The following TNXB variants were observed in gnomAD, a reference collection of about 807,000 sequenced individuals.
The protein encoded by TNXB is tenascin XB.
A neutral mutation model predicts 340.5 loss-of-function variants in TNXB; 183 were observed. The ratio of observed to expected loss-of-function variants is 0.54; its 90% CI spans 0.48 to 0.61. The LOEUF (loss-of-function observed/expected upper bound fraction) is 0.61. Ranked by LOEUF, TNXB falls within the 20% of genes least tolerant of loss-of-function variation. TNXB has a pLI of 0.00. For synonymous variants in TNXB, 2,121 were observed against 2,314.5 expected (o/e 0.92, Z 2.40); for missense variants, 4,613 against 5,446.4 (o/e 0.85, Z 4.82).
Position 32,098,212 on chromosome 6 carries a change from G to A in TNXB, c.-8-6C>T. On this transcript the variant is annotated splice_polypyrimidine_tract_variant and splice_region_variant and intron_variant, in intron 1 of 43. Coordinates refer to ENST00000644971, the MANE Select transcript of TNXB (RefSeq NM_001365276.2). ...GGCTGGCATCATTCAGGAGGCTGCA[G>A]GGAGAAAGGGTAGGTATGAGAGCAG... 2.0e-6 allele frequency: 3 copies of A among 1,489,092 alleles called. No homozygotes were observed. The highest frequency in any genetic ancestry group is 2.7e-6 in the Non-Finnish European group (3 of 1,116,608). 92.2% of individuals were successfully genotyped at this position (1,489,092 alleles called of 1,614,324 possible).
intron 1 of TNXB, among the ~76,000 whole-genome samples, chr6:32,104,754 G>A (rs1258957624): frequency 1.3e-5 from 2 of 151,996 alleles, no homozygotes; most frequent in African/African-American, 4.8e-5. Flanking sequence ...TCCCACCTCA[G>A]CCTCCTGAGT....
chr6:32,055,705 G>T, intron 24 of TNXB, 146 bp downstream of exon 24: 1 of 1,241,838 alleles, frequency 8.1e-7, no homozygotes, highest in Non-Finnish European at 1.1e-6. Flanking sequence ...GCCCAAACCT[G>T]TTGAACCCCA....
At position 32,087,901 on chromosome 6, in the gene TNXB, CG is replaced by C. The variant is rs779406751; in HGVS notation, c.2779+883del. 1 of 159,620 alleles carries C rather than the reference CG, an allele frequency of 6.3e-6. No individual in the cohort carries two copies. The highest frequency in any genetic ancestry group is 1.3e-5 in the Non-Finnish European group (1 of 79,350). 9.9% of individuals were successfully genotyped at this position (159,620 alleles called of 1,614,324 possible). A position where few individuals can be genotyped will look rare whatever the true frequency, so the allele number is the denominator to read the frequency against. ...TGCTGGCCTCGAGGGCCAAGGGGGC[CG>C]TGGGGGCCGCGGGGCTGGGGCTGGC... On this transcript the variant is annotated intron_variant, in intron 6 of 43. Transcript: ENST00000644971. The surrounding 1 kb of genome is among the most constrained non-coding windows in gnomAD (Gnocchi z 9.0).
chr6:32,088,740 A>C (rs2127272192), intron 6 of TNXB, 45 bp downstream of exon 6: 1 of 1,537,986 alleles, frequency 6.5e-7, no homozygotes, highest in Non-Finnish European at 8.8e-7. Flanking sequence ...GGAGGATCCA[A>C]GGCTGGGAAA....
At position 32,056,848 on chromosome 6, in the gene TNXB, G is replaced by A; in HGVS notation, c.7881C>T (p.Ile2627=). 1.2e-6 allele frequency: 2 copies of A among 1,612,926 alleles called. No homozygotes were observed. Among genetic ancestry groups the A allele is most frequent in the South Asian group, 2.2e-5 (2 of 91,082 alleles). Residue 2627 remains isoleucine (I), a synonymous_variant, in exon 23 of 44, where the codon ATC becomes ATT. Coordinates refer to ENST00000644971, the MANE Select transcript of TNXB (RefSeq NM_001365276.2). ...AVPTMTPEPP[I]KPRLGELTMT... ...TGGTCAGCTCCCCCAGGCGAGGCTT[G>A]ATGGGGGGCTCAGGGGTCATGGTAG... is the stretch of plus-strand genomic sequence containing the variant.
In TNXB at chr6:32,086,009, C is replaced by G; in HGVS notation, c.2889G>C (p.Leu963=). 1 of 1,606,580 alleles carries G rather than the reference C, an allele frequency of 6.2e-7. No individual in the cohort carries two copies. The highest frequency in any genetic ancestry group is 8.5e-7 in the Non-Finnish European group (1 of 1,178,328). ...APLLQQRPQE[L]GELRVLGRDE... is the part of the protein sequence containing the mutation. ...CTCTGCCCAGCACCCTCAACTCTCC[C>G]AGCTCCTGGGGGCGCTGCTGCAGGA... Residue 963 remains leucine, a synonymous_variant, in exon 7 of 44, where the codon CTG becomes CTC. Coordinates refer to ENST00000644971, the MANE Select transcript of TNXB (RefSeq NM_001365276.2).
rs1024919515 is a variant in TNXB at position 32,097,910 on chromosome 6, C to T, written c.289G>A (p.Ala97Thr). ...ACCCTCAGGGCCTGTACCTCTGAAG[C>T]AAGGACTGGGGGCTCGGTGCCTGGG... ...CPPGTEPPVL[A>T]SEVQALRVRL... Residue 97 changes from alanine to threonine, a missense_variant, in exon 2 of 44, where the codon GCT (alanine) becomes ACT (threonine). By Grantham distance (58) the Ala-to-Thr change is moderately conservative (BLOSUM62 0). Coordinates refer to ENST00000644971, the MANE Select transcript of TNXB (RefSeq NM_001365276.2). The surrounding 1 kb of genome is among the most constrained non-coding windows in gnomAD (Gnocchi z 5.9). 4.4e-6 allele frequency: 7 copies of T among 1,587,462 alleles called. No homozygotes were observed. In the African/African-American group the frequency reaches 9.4e-5, roughly 21 times the overall value.
rs1779589375 is a variant in TNXB at position 32,083,412 on chromosome 6, C to G, written c.3445+1001G>C. 1.3e-5 allele frequency among the ~76,000 whole-genome samples: 2 copies of G among 152,302 alleles called. No homozygotes were observed. Among genetic ancestry groups the G allele is most frequent in the South Asian group, 4.1e-4 (2 of 4,828 alleles). ...GTGCTTTATGGGGTGTGATGATCCA[C>G]TTAGAGAACATCTTGATCACAACTG... On this transcript the variant is annotated intron_variant, in intron 8 of 43. Coordinates refer to ENST00000644971, the MANE Select transcript of TNXB (RefSeq NM_001365276.2). This position sits in a 1 kb window ranked among gnomAD's most constrained non-coding sequence, Gnocchi z 4.6.
rs769795282 is a variant in TNXB, at chr6:32,082,017, T to C, written c.3736+19A>G. The C allele has an allele frequency of 6.3e-7, 1 of 1,591,410 alleles. No individual in the cohort carries two copies. The highest frequency in any genetic ancestry group is 8.6e-7 in the Non-Finnish European group (1 of 1,168,856). ...GGCTGAGAAGGGGTCACATGGGGGC[T>C]GAGGTGGCTGCTACTCACCAGTGGT... is the stretch of plus-strand genomic sequence containing the variant. On this transcript the variant is annotated intron_variant, in intron 9 of 43. Coordinates refer to ENST00000644971, the MANE Select transcript of TNXB (RefSeq NM_001365276.2). The surrounding 1 kb of genome is among the most constrained non-coding windows in gnomAD (Gnocchi z 5.0).
In TNXB at chr6:32,046,226, C is replaced by T. The variant is rs1186193202; in HGVS notation, c.10555G>A (p.Gly3519Arg). ...PGKKYKFLLY[G>R]LLGGKRLGPV... is the part of the protein sequence containing the mutation. ...CCCAGGCGCTTTCCCCCAAGGAGCCCGTAGAGCAGAAACTTGTATTTCTTG... is the reference window on the plus strand; with the variant it reads ...CCCAGGCGCTTTCCCCCAAGGAGCCTGTAGAGCAGAAACTTGTATTTCTTG... The change falls in exon 31 of 44, where the codon GGG becomes AGG. Residue 3519 changes from glycine (G) to arginine (R), a missense_variant. By Grantham distance (125) the Gly-to-Arg change is moderately radical (BLOSUM62 -2). Coordinates refer to ENST00000644971, the MANE Select transcript of TNXB (RefSeq NM_001365276.2). This position sits in a 1 kb window ranked among gnomAD's most constrained non-coding sequence, Gnocchi z 6.9. 1.0e-5 allele frequency: 16 copies of T among 1,602,338 alleles called. No homozygotes were observed. Among genetic ancestry groups the T allele is most frequent in the Non-Finnish European group, 1.2e-5 (14 of 1,175,340 alleles).
chr6:32,083,514 C>G lies in TNXB; in HGVS notation c.3445+899G>C, dbSNP rs1023877328. Among the ~76,000 whole-genome samples, 1 of 152,182 alleles carries G rather than the reference C, an allele frequency of 6.6e-6. No homozygotes were observed. Among genetic ancestry groups the G allele is most frequent in the Non-Finnish European group, 1.5e-5 (1 of 68,024 alleles). On this transcript the variant is annotated intron_variant, in intron 8 of 43. Transcript: ENST00000644971. This position sits in a 1 kb window ranked among gnomAD's most constrained non-coding sequence, Gnocchi z 4.6. The stretch of plus-strand genomic sequence containing the variant: ...ATCTAAGTTTATCTAAGGCGTTGTT[C>G]CCCACCTCTGCTGCTCCCTGCCTCA...
chr6:32,072,712 G>A lies in TNXB; in HGVS notation c.4682-414C>T, dbSNP rs1778848654. On this transcript the variant is annotated intron_variant, in intron 12 of 43. Transcript: ENST00000644971. The surrounding 1 kb of genome is among the most constrained non-coding windows in gnomAD (Gnocchi z 4.4). ...GGGCCGGGTGCAGTGGCTCATGCCAGGCCGAGGCGGGTGGATCACCTGAGG... is the reference window on the plus strand; with the variant it reads ...GGGCCGGGTGCAGTGGCTCATGCCAAGCCGAGGCGGGTGGATCACCTGAGG... Among the ~76,000 whole-genome samples, 6 of 152,372 alleles carry A rather than the reference G, an allele frequency of 3.9e-5. No individual in the cohort carries two copies. The highest frequency in any genetic ancestry group is 2.0e-4 in the Admixed American group (3 of 15,308).
rs1554321218 is a variant in TNXB at position 32,067,132 on chromosome 6, G to GAAAGAAAGAAAGA, written c.6544+528_6544+529insTCTTTCTTTCTTT. Among the ~76,000 whole-genome samples the GAAAGAAAGAAAGA allele has an allele frequency of 1.6e-4, 19 of 118,080 alleles. 2 individuals carry two copies. Among genetic ancestry groups the GAAAGAAAGAAAGA allele is most frequent in the Admixed American group, 1.6e-3 (17 of 10,856 alleles). The allele number at this position is 118,080 out of a possible 152,430, so 77.5% of individuals were successfully genotyped here. A position where few individuals can be genotyped will look rare whatever the true frequency, so the allele number is the denominator to read the frequency against. Reference sequence around the variant, plus strand: ...AAGAAAGAGAAAGAAAGAAAGGAAGGAAGAAAGAAAGAAAGAAAGAAAGAA... The same window carrying GAAAGAAAGAAAGA: ...AAGAAAGAGAAAGAAAGAAAGGAAGGAAAGAAAGAAAGAAAGAAAGAAAGAAAGAAAGAAAGAA... On this transcript the variant is annotated intron_variant, in intron 18 of 43. Transcript: ENST00000644971. This position sits in a 1 kb window ranked among gnomAD's most constrained non-coding sequence, Gnocchi z 4.2.
In TNXB at chr6:32,052,640, C is replaced by T. The variant is rs756395711; in HGVS notation, c.9115+30G>A. On this transcript the variant is annotated intron_variant, in intron 26 of 43. Transcript: ENST00000644971. This position sits in a 1 kb window ranked among gnomAD's most constrained non-coding sequence, Gnocchi z 4.7. Reference sequence around the variant, plus strand: ...CAGCAGTGTCTTCCAGGGCCATCTTCCCCACCTCGCCTCACTCACACTTAC... The same window carrying T: ...CAGCAGTGTCTTCCAGGGCCATCTTTCCCACCTCGCCTCACTCACACTTAC... The T allele has an allele frequency of 5.6e-6, 9 of 1,602,700 alleles. No individual in the cohort carries two copies. Among genetic ancestry groups the T allele is most frequent in the Admixed American group, 3.3e-5 (2 of 59,742 alleles).
At position 32,053,493 on chromosome 6, in the gene TNXB, C is replaced by A. The variant is rs572058433; in HGVS notation, c.8686G>T (p.Gly2896Trp). The change falls in exon 25 of 44, where the codon GGG (glycine) becomes TGG (tryptophan). Residue 2896 changes from glycine to tryptophan, a missense_variant. Gly to Trp is a radical substitution (Grantham distance 184). Coordinates refer to ENST00000644971, the MANE Select transcript of TNXB (RefSeq NM_001365276.2). ...KVVRVPGHED[G>W]VTISGLEPDH... Reference sequence around the variant, plus strand: ...GGCTCCAGGCCTGAGATGGTGACCCCGTCCTCGTGCCCCGGCACCCGCACC... The same window carrying A: ...GGCTCCAGGCCTGAGATGGTGACCCAGTCCTCGTGCCCCGGCACCCGCACC... 5 of 1,613,328 alleles carry A rather than the reference C, an allele frequency of 3.1e-6. No individual in the cohort carries two copies. The highest frequency in any genetic ancestry group is 4.2e-6 in the Non-Finnish European group (5 of 1,179,894).
chr6:32,046,190 C>A lies in TNXB; in HGVS notation c.10591G>T (p.Ala3531Ser). 2.5e-6 allele frequency: 4 copies of A among 1,585,182 alleles called. No individual in the cohort carries two copies. The highest frequency in any genetic ancestry group is 3.4e-6 in the Non-Finnish European group (4 of 1,161,056). Residue 3531 changes from alanine (A) to serine (S), a missense_variant, in exon 31 of 44, where the codon GCC becomes TCC. By Grantham distance (99) the Ala-to-Ser change is moderately conservative (BLOSUM62 1). Transcript: ENST00000644971. The surrounding 1 kb of genome is among the most constrained non-coding windows in gnomAD (Gnocchi z 6.9). ...GCAGCCTCACCTGTCATTCCCAGGG[C>A]AGAGACCGGGCCCAGGCGCTTTCCC... is the stretch of plus-strand genomic sequence containing the variant. ...LGGKRLGPVS[A>S]LGMTAPEEDT...
At position 32,070,176 on chromosome 6, in the gene TNXB, G is replaced by C; in HGVS notation, c.5229C>G (p.Gly1743=). Residue 1743 remains glycine (G), a synonymous_variant, in exon 14 of 44, where the codon GGC becomes GGG. Transcript: ENST00000644971. The surrounding 1 kb of genome is among the most constrained non-coding windows in gnomAD (Gnocchi z 6.0). ...AGRKYRFLLY[G]LLGKKRHGPL... is the part of the protein sequence containing the mutation. ...GGCCATGGCGCTTCTTGCCCAGGAG[G>C]CCATAGAGGAGGAATCTGTACTTGC... The C allele has an allele frequency of 6.2e-7, 1 of 1,606,186 alleles. No individual in the cohort carries two copies. Among genetic ancestry groups the C allele is most frequent in the Non-Finnish European group, 8.5e-7 (1 of 1,176,162 alleles).
rs1780562236 is a variant in TNXB at position 32,098,766 on chromosome 6, C to T, written c.-8-560G>A. Among the ~76,000 whole-genome samples the T allele has an allele frequency of 3.4e-5, 5 of 145,122 alleles. No individual in the cohort carries two copies. In the Admixed American group the frequency reaches 3.5e-4, roughly 10 times the overall value. ...AAGTGCTGGGATTACAGGCATGAGC[C>T]ACCGCACCCGGCTCTACACTGGTCT... On this transcript the variant is annotated intron_variant, in intron 1 of 43. Transcript: ENST00000644971.
In TNXB at chr6:32,048,629, G is replaced by T; in HGVS notation, c.9779C>A (p.Pro3260Gln). Reference sequence around the variant, plus strand: ...CAGCTCCCCCAGGCGGGGCTCCACCGGCAGTGGTGTGGGCAGGGGCGCTGA... The same window carrying T: ...CAGCTCCCCCAGGCGGGGCTCCACCTGCAGTGGTGTGGGCAGGGGCGCTGA... ...GITAPLPTPL[P>Q]VEPRLGELAV... The change falls in exon 29 of 44, where the codon CCG (proline) becomes CAG (glutamine). Residue 3260 changes from proline (P) to glutamine (Q), a missense_variant. Pro to Gln is a moderately conservative substitution (Grantham distance 76). This residue lies in a region of TNXB where 4,327 missense variants were observed against 4,859.4 expected (regional missense o/e 0.89). Coordinates refer to ENST00000644971, the MANE Select transcript of TNXB (RefSeq NM_001365276.2). 6.6e-7 allele frequency: 1 copy of T among 1,512,630 alleles called. No individual in the cohort carries two copies. Among genetic ancestry groups the T allele is most frequent in the Admixed American group, 1.9e-5 (1 of 52,174 alleles). The allele number at this position is 1,512,630 out of a possible 1,614,324, so 93.7% of individuals were successfully genotyped here.
Sources: allele counts gnomAD v4.1 joint callset (sites outside exome capture counted in the v4.1 genomes callset), GRCh38; gene constraint gnomAD v4.1.1; regional missense constraint gnomAD v4.1.1; non-coding constraint Gnocchi (gnomAD v3.1); transcripts MANE v1.5; gene names NCBI Gene and HGNC (gene_info 2026-07-23, HGNC 2026-07-21).